Variants in RBMS3 observed in about 807,000 individuals in gnomAD.
RBMS3 encodes the protein RNA-binding motif, single-stranded-interacting protein 3.
RBMS3 carries 27 observed loss-of-function variants against 66.8 expected under a neutral mutation model. The ratio of observed to expected loss-of-function variants is 0.40; its 90% CI spans 0.30 to 0.56. RBMS3 has a LOEUF of 0.56. Among genes scored for constraint, RBMS3 ranks in the 20% least tolerant of loss-of-function variants. The probability of loss-of-function intolerance (pLI) is 0.40; values close to 1 mark genes in which losing one functional copy is unlikely to be tolerated. For synonymous variants in RBMS3, 188 were observed against 183.0 expected (o/e 1.03, Z -0.22); for missense variants, 513 against 549.5 (o/e 0.93, Z 0.66).
At chr3:29,496,226 A>G (rs2043747154) in intron 3 of RBMS3, among the ~76,000 whole-genome samples, 1 of 151,324 alleles carries the variant, frequency 6.6e-6, no homozygotes, top group East Asian at 1.9e-4. Context: ...AAAAAAGAAA[A>G]GACAAAAAAA....
intron 4 of RBMS3, among the ~76,000 whole-genome samples, chr3:29,700,954 G>A (rs1033460997): frequency 2.0e-5 from 3 of 152,022 alleles, no homozygotes; most frequent in Non-Finnish European, 2.9e-5. Context: ...GGTAAGAAAG[G>A]GCCTGGACTT....
intron 2 of RBMS3, among the ~76,000 whole-genome samples, chr3:29,467,956 A>T (rs73828670): frequency 6.6e-6 from 1 of 152,318 alleles, no homozygotes; most frequent in African/African-American, 2.4e-5. Flanking sequence ...GTGAGAATCT[A>T]TTAAGAACTT....
intron 3 of RBMS3, among the ~76,000 whole-genome samples, chr3:29,513,491 C>T (rs1340938738): frequency 6.6e-6 from 1 of 152,142 alleles, no homozygotes; most frequent in Non-Finnish European, 1.5e-5. Flanking sequence ...GTTGTATGGT[C>T]ACAATAGTCA....
At chr3:29,678,924 C>T (rs1345281835) in intron 4 of RBMS3, among the ~76,000 whole-genome samples, 1 of 152,074 alleles carries the variant, frequency 6.6e-6, no homozygotes. Flanking sequence ...CACCTTTCGG[C>T]ACACTTTAAA....
In RBMS3 at chr3:29,689,450, A is replaced by G. The variant is rs574076786; in HGVS notation, c.400-50270A>G. On this transcript the variant is annotated intron_variant, in intron 4 of 14. Transcript: ENST00000383767. Reference sequence around the variant, plus strand: ...TTTGTGACATACATTTTGAATATTTAAAATTGGGCTGACAAAGCAGTAGAT... The same window carrying G: ...TTTGTGACATACATTTTGAATATTTGAAATTGGGCTGACAAAGCAGTAGAT... Among the ~76,000 whole-genome samples the G allele has an allele frequency of 2.6e-5, 4 of 152,290 alleles. No individual in the cohort carries two copies. In the South Asian group the frequency reaches 8.3e-4, roughly 32 times the overall value.
At chr3:29,913,763 A>T (rs2060573466) in intron 10 of RBMS3, among the ~76,000 whole-genome samples, 1 of 151,984 alleles carries the variant, frequency 6.6e-6, no homozygotes, top group Non-Finnish European at 1.5e-5. Flanking sequence ...AATGTTGTAT[A>T]TTAAAAATCA....
intron 4 of RBMS3, among the ~76,000 whole-genome samples, chr3:29,622,429 A>C (rs1347023989): frequency 1.3e-5 from 2 of 152,226 alleles, no homozygotes; most frequent in African/African-American, 4.8e-5. Flanking sequence ...ATGGGCAATT[A>C]GTTTTTATAA....
At chr3:29,900,893 A>T (rs912404978) in intron 10 of RBMS3, among the ~76,000 whole-genome samples, 9 of 151,778 alleles carry the variant, frequency 5.9e-5, no homozygotes, top group Non-Finnish European at 8.8e-5. Context: ...CCAGGGAGCT[A>T]AATACGCAGA....
intron 6 of RBMS3, among the ~76,000 whole-genome samples, chr3:29,799,060 G>A (rs112598654): frequency 7.2e-4 from 109 of 151,562 alleles, no homozygotes; most frequent in African/African-American, 2.5e-3. Context: ...TTTCTTAAGC[G>A]ATGTCATTGA....
intron 6 of RBMS3, 79 bp downstream of exon 6, chr3:29,763,068 C>T (rs550824334): frequency 4.8e-4 from 477 of 993,406 alleles, no homozygotes; most frequent in Non-Finnish European, 6.6e-4. Context: ...TTGTAAAGCC[C>T]TTGTTGATCA....
At chr3:29,846,956 T>C (rs1018795137) in intron 6 of RBMS3, among the ~76,000 whole-genome samples, 1 of 152,170 alleles carries the variant, frequency 6.6e-6, no homozygotes, top group African/African-American at 2.4e-5. Flanking sequence ...GTTAAGTAGT[T>C]TGTTGCATTC....
At chr3:29,989,933 C>T (rs76607654) in intron 13 of RBMS3, among the ~76,000 whole-genome samples, 8,155 of 152,226 alleles carry the variant, frequency 0.054, 290 homozygotes, top group Non-Finnish European at 0.081. Flanking sequence ...TACTTATCTA[C>T]AAAATTTGAC....
intron 3 of RBMS3, among the ~76,000 whole-genome samples, chr3:29,508,997 T>G (rs1287199004): frequency 6.6e-6 from 1 of 152,062 alleles, no homozygotes; most frequent in East Asian, 1.9e-4. Context: ...ATAAATGTCT[T>G]CTTTTAAGAA....
At chr3:29,582,325 G>T (rs1281385085) in intron 3 of RBMS3, among the ~76,000 whole-genome samples, 1 of 152,198 alleles carries the variant, frequency 6.6e-6, no homozygotes, top group African/African-American at 2.4e-5. Flanking sequence ...TCTGCCAATG[G>T]AATGAGTGTA....
At chr3:29,581,959 C>T (rs1293708230) in intron 3 of RBMS3, among the ~76,000 whole-genome samples, 1 of 152,052 alleles carries the variant, frequency 6.6e-6, no homozygotes, top group African/African-American at 2.4e-5. Context: ...ACTTAAGGAG[C>T]CCACAGCAAC....
Position 29,434,822 on chromosome 3 carries a change from A to ACAG in RBMS3, c.160_162dup (p.Ser54dup), listed in dbSNP as rs1416194596. The stretch of plus-strand genomic sequence containing the variant: ...AGCAGCAGCAACAACAGCAGCAACA[A>ACAG]CAGCAGCGGGGAACAGTTGAGTAAA... On this transcript the variant is annotated inframe_insertion, in exon 2 of 15. Coordinates refer to ENST00000383767, the MANE Select transcript of RBMS3 (RefSeq NM_001003793.3). 1 of 1,614,114 alleles carries ACAG rather than the reference A, an allele frequency of 6.2e-7. No homozygotes were observed. Among genetic ancestry groups the ACAG allele is most frequent in the Non-Finnish European group, 8.5e-7 (1 of 1,180,028 alleles).
At chr3:29,299,586 A>G (rs2033530768) in intron 1 of RBMS3, among the ~76,000 whole-genome samples, 1 of 151,970 alleles carries the variant, frequency 6.6e-6, no homozygotes, top group Non-Finnish European at 1.5e-5. Context: ...TTATTTGAAA[A>G]AAAATTAAAA....
intron 1 of RBMS3, among the ~76,000 whole-genome samples, chr3:29,381,814 T>G (rs2038775200): frequency 6.6e-6 from 1 of 152,238 alleles, no homozygotes; most frequent in Non-Finnish European, 1.5e-5. Context: ...TTTGTCTTTT[T>G]GTTATTGTTA....
chr3:29,949,960 C>T (rs1695564007), intron 12 of RBMS3, among the ~76,000 whole-genome samples: 3 of 151,892 alleles, frequency 2.0e-5, no homozygotes, highest in African/African-American at 7.2e-5. Context: ...ATCTTTGTCA[C>T]ACCACCTGCA....
Sources: gnomAD v4.1 joint callset for allele counts (sites outside exome capture counted in the v4.1 genomes callset) on GRCh38, gnomAD v4.1.1 for gene constraint, MANE v1.5 for transcripts, NCBI Gene and HGNC (gene_info 2026-07-23, HGNC 2026-07-21) for gene names.